Variants in ZSCAN25 observed in about 807,000 individuals in gnomAD.
ZSCAN25 encodes zinc finger and SCAN domain containing 25, also known as zinc finger and SCAN domain-containing protein 25.
Under a neutral mutation model 38.7 loss-of-function variants are expected in ZSCAN25, and 27 were observed. The ratio of observed to expected loss-of-function variants is 0.70; its 90% CI spans 0.51 to 0.96. The LOEUF (loss-of-function observed/expected upper bound fraction) is 0.96. ZSCAN25 is among the 40% of genes least tolerant of loss of function. The pLI, the probability that ZSCAN25 is intolerant of heterozygous loss-of-function variation, is 0.00. For missense variants in ZSCAN25, 637 were observed against 705.9 expected, an observed-to-expected ratio of 0.90 and a Z score of 1.11; for synonymous variants, 273 against 277.7, an observed-to-expected ratio of 0.98 and a Z score of 0.17.
the ZSCAN25 span, chr7:99,674,412 CTG>C: frequency 1.5e-6 from 1 of 664,580 alleles, no homozygotes; most frequent in East Asian, 2.8e-5. Flanking sequence ...GAACCTCTCT[CTG>C]TTTGTATTTA....
chr7:99,660,398 A>C, the ZSCAN25 span: 6 of 1,483,266 alleles, frequency 4.0e-6, no homozygotes, highest in Admixed American at 2.4e-5. Context: ...TGAAGGAATC[A>C]GTGATTATGC....
At chr7:99,655,115 G>T in the ZSCAN25 span, among the ~76,000 whole-genome samples, 1 of 152,140 alleles carries the variant, frequency 6.6e-6, no homozygotes, top group African/African-American at 2.4e-5. Flanking sequence ...GGCTTTTGTT[G>T]CCATTGCTTT....
downstream of ZSCAN25, among the ~76,000 whole-genome samples, chr7:99,633,720 T>C (rs143337642): frequency 2.4e-3 from 373 of 152,292 alleles, 2 homozygotes; most frequent in Non-Finnish European, 3.3e-3. Flanking sequence ...TGTGGGCCAC[T>C]GCACCTGGCC....
intron 4 of ZSCAN25, chr7:99,620,937 A>T (rs886724222): frequency 6.5e-6 from 1 of 153,422 alleles, no homozygotes; most frequent in Non-Finnish European, 1.4e-5. Context: ...TTTTGTAGAG[A>T]TGGAGTCTCG....
the ZSCAN25 span, among the ~76,000 whole-genome samples, chr7:99,716,767 A>G: frequency 6.6e-6 from 1 of 152,192 alleles, no homozygotes; most frequent in African/African-American, 2.4e-5. Context: ...TGAAATGATC[A>G]AAGTTATTCT....
At chr7:99,679,718 C>T in the ZSCAN25 span, 3 of 1,053,590 alleles carry the variant, frequency 2.8e-6, no homozygotes, top group Non-Finnish European at 4.4e-6. Context: ...ACTTCAGCTA[C>T]TTCTCCTTGA....
chr7:99,704,629 C>T, the ZSCAN25 span, among the ~76,000 whole-genome samples: 1 of 151,066 alleles, frequency 6.6e-6, no homozygotes, highest in African/African-American at 2.4e-5. Context: ...TCTTTCTAAA[C>T]AATGGGCAAA....
At chr7:99,640,895 G>A in the ZSCAN25 span, among the ~76,000 whole-genome samples, 1 of 152,194 alleles carries the variant, frequency 6.6e-6, no homozygotes, top group East Asian at 1.9e-4. Flanking sequence ...CTTGGGAGGA[G>A]CAGTTTGGCT....
At chr7:99,663,974 T>C in the ZSCAN25 span, 3 of 1,581,650 alleles carry the variant, frequency 1.9e-6, no homozygotes, top group Admixed American at 6.2e-5. Context: ...TTACCTTTTG[T>C]TTGTCGTTGA....
At chr7:99,644,424 C>A in the ZSCAN25 span, among the ~76,000 whole-genome samples, 2 of 152,012 alleles carry the variant, frequency 1.3e-5, no homozygotes, top group Non-Finnish European at 2.9e-5. Context: ...TTGATCTGAG[C>A]CTTGAAGGAC....
the ZSCAN25 span, chr7:99,666,562 C>T: frequency 3.7e-6 from 6 of 1,601,954 alleles, no homozygotes; most frequent in Non-Finnish European, 5.1e-6. Context: ...TGGAAGGGCT[C>T]ATGACAGCTC....
chr7:99,624,254 C>G, intron 7 of ZSCAN25, 74 bp downstream of exon 7: 2 of 1,595,688 alleles, frequency 1.3e-6, no homozygotes, highest in South Asian at 1.1e-5. Context: ...TGCCGTAGCT[C>G]TGGCGCTCCT....
chr7:99,708,599 G>A, the ZSCAN25 span, among the ~76,000 whole-genome samples: 6 of 152,072 alleles, frequency 3.9e-5, no homozygotes, highest in South Asian at 2.1e-4. Context: ...GGAAAGCAGT[G>A]TCATCACTGC....
chr7:99,670,385 C>T, the ZSCAN25 span, among the ~76,000 whole-genome samples: 5 of 152,166 alleles, frequency 3.3e-5, no homozygotes, highest in Admixed American at 2.6e-4. Context: ...TTAAGGCAAA[C>T]AATTTTATGC....
the ZSCAN25 span, among the ~76,000 whole-genome samples, chr7:99,695,311 A>C: frequency 6.6e-6 from 1 of 152,180 alleles, no homozygotes; most frequent in Non-Finnish European, 1.5e-5. Context: ...GAGGTAGGGG[A>C]AAAAGGCTAC....
the ZSCAN25 span, among the ~76,000 whole-genome samples, chr7:99,658,126 G>C: frequency 6.6e-6 from 1 of 152,218 alleles, no homozygotes; most frequent in East Asian, 1.9e-4. Flanking sequence ...CTGTCATTAT[G>C]ATGTTAGCTG....
the ZSCAN25 span, among the ~76,000 whole-genome samples, chr7:99,692,702 G>A: frequency 6.6e-6 from 1 of 152,054 alleles, no homozygotes; most frequent in African/African-American, 2.4e-5. Flanking sequence ...ATTGAAGCTT[G>A]TGCATGCATC....
chr7:99,628,789 G>C (rs1807719847), intron 7 of ZSCAN25, among the ~76,000 whole-genome samples: 1 of 151,990 alleles, frequency 6.6e-6, no homozygotes, highest in Non-Finnish European at 1.5e-5. Context: ...GGAAGGCGCA[G>C]GACATCTGGA....
the ZSCAN25 span, among the ~76,000 whole-genome samples, chr7:99,690,562 A>G: frequency 6.6e-6 from 1 of 152,172 alleles, no homozygotes; most frequent in African/African-American, 2.4e-5. Context: ...CAAAGGGCTA[A>G]TATCCAGAAT....
Sources: allele counts gnomAD v4.1 joint callset (sites outside exome capture counted in the v4.1 genomes callset), GRCh38; gene constraint gnomAD v4.1.1; transcripts MANE v1.5; gene names NCBI Gene and HGNC (gene_info 2026-07-23, HGNC 2026-07-21).